SLC35F1: variants seen among roughly 807,000 people sequenced by gnomAD.
SLC35F1 encodes chromosome 6 open reading frame 169.
In SLC35F1, 14 loss-of-function variants were observed where a neutral mutation model predicts 48.7. That is an observed-to-expected ratio of 0.29 (90% CI 0.19 to 0.45). SLC35F1 has a LOEUF of 0.45. Among genes scored for constraint, SLC35F1 ranks in the 20% least tolerant of loss-of-function variants. The probability of loss-of-function intolerance (pLI) is 1.00; values close to 1 mark genes in which losing one functional copy is unlikely to be tolerated. For missense variants in SLC35F1, 404 were observed against 500.0 expected (o/e 0.81, Z 1.83); for synonymous variants, 190 against 202.2 (o/e 0.94, Z 0.51).
chr6:118,102,368 G>A (rs568904899), intron 1 of SLC35F1, among the ~76,000 whole-genome samples: 1 of 152,208 alleles, frequency 6.6e-6, no homozygotes, highest in African/African-American at 2.4e-5. Flanking sequence ...ATTTTTTTTA[G>A]AGACAGGTTC....
chr6:118,283,481 C>G (rs1776009612), intron 6 of SLC35F1, among the ~76,000 whole-genome samples: 1 of 152,188 alleles, frequency 6.6e-6, no homozygotes, highest in Non-Finnish European at 1.5e-5. Flanking sequence ...AATATACCAA[C>G]AGAGCCCACA....
At chr6:118,023,703 C>T (rs1441511937) in intron 1 of SLC35F1, among the ~76,000 whole-genome samples, 1 of 152,064 alleles carries the variant, frequency 6.6e-6, no homozygotes, top group African/African-American at 2.4e-5. Context: ...GGGTGAGTTC[C>T]CAAGCCATAT....
intron 1 of SLC35F1, among the ~76,000 whole-genome samples, chr6:117,980,997 T>C (rs564779091): frequency 1.3e-5 from 2 of 152,212 alleles, no homozygotes; most frequent in African/African-American, 4.8e-5. Flanking sequence ...TACCAGTTAG[T>C]GGTCTATGAT....
At chr6:118,069,355 C>T (rs1434820677) in intron 1 of SLC35F1, among the ~76,000 whole-genome samples, 1 of 152,140 alleles carries the variant, frequency 6.6e-6, no homozygotes, top group Non-Finnish European at 1.5e-5. Context: ...TAACCAAGGA[C>T]ATCCTTGAAG....
chr6:118,141,774 C>T (rs1773893647), intron 1 of SLC35F1, among the ~76,000 whole-genome samples: 1 of 152,138 alleles, frequency 6.6e-6, no homozygotes, highest in Non-Finnish European at 1.5e-5. Flanking sequence ...AACATTCAGT[C>T]CATTACGAGA....
intron 1 of SLC35F1, among the ~76,000 whole-genome samples, chr6:117,908,586 G>A (rs1488204700): frequency 6.6e-6 from 1 of 152,238 alleles, no homozygotes; most frequent in East Asian, 1.9e-4. Context: ...GCCGGAGGGG[G>A]CGGGTGCCGA....
chr6:118,005,930 T>G (rs1007579647), intron 1 of SLC35F1, among the ~76,000 whole-genome samples: 4 of 152,314 alleles, frequency 2.6e-5, no homozygotes, highest in Non-Finnish European at 5.9e-5. Flanking sequence ...CCTTGGCACA[T>G]AGATGCTGCC....
intron 1 of SLC35F1, among the ~76,000 whole-genome samples, chr6:118,031,728 C>T (rs1478844763): frequency 6.6e-6 from 1 of 152,188 alleles, no homozygotes; most frequent in Non-Finnish European, 1.5e-5. Context: ...CAGCACAGGG[C>T]AGCTTTGCAG....
chr6:118,279,365 C>T (rs140384967), intron 6 of SLC35F1, among the ~76,000 whole-genome samples: 2 of 152,230 alleles, frequency 1.3e-5, no homozygotes, highest in South Asian at 2.1e-4. Context: ...TGTAGGGTTG[C>T]GTTTGGGATG....
Position 118,032,150 on chromosome 6 carries a change from C to T in SLC35F1, c.174-122295C>T, listed in dbSNP as rs527589363. Among the ~76,000 whole-genome samples, 4 of 152,270 alleles carry T rather than the reference C, an allele frequency of 2.6e-5. No homozygotes were observed. The East Asian group carries it at 7.7e-4, about 29-fold the overall frequency. ...CTCAATAAACCCAGACATATTTTCTCCAGATACATTTTCTTTCTTTGGTTA... is the reference window on the plus strand; with the variant it reads ...CTCAATAAACCCAGACATATTTTCTTCAGATACATTTTCTTTCTTTGGTTA... On this transcript the variant is annotated intron_variant, in intron 1 of 7. Transcript: ENST00000360388.
intron 4 of SLC35F1, among the ~76,000 whole-genome samples, chr6:118,269,997 T>C (rs796720813): frequency 2.0e-5 from 3 of 152,218 alleles, no homozygotes; most frequent in African/African-American, 7.2e-5. Context: ...CACTGCACTC[T>C]AGCCTGGGCA....
intron 1 of SLC35F1, among the ~76,000 whole-genome samples, chr6:117,972,693 A>C (rs1352952179): frequency 6.6e-6 from 1 of 152,068 alleles, no homozygotes; most frequent in Non-Finnish European, 1.5e-5. Context: ...ATTCACTATC[A>C]CAAGAACAGC....
intron 2 of SLC35F1, among the ~76,000 whole-genome samples, chr6:118,198,686 A>G (rs1038571286): frequency 2.0e-5 from 3 of 152,244 alleles, no homozygotes; most frequent in African/African-American, 7.2e-5. Flanking sequence ...CAGAGCTGAA[A>G]TATATACCCA....
chr6:118,261,098 A>G (rs1025811126), intron 3 of SLC35F1, among the ~76,000 whole-genome samples: 7 of 152,202 alleles, frequency 4.6e-5, no homozygotes, highest in East Asian at 3.8e-4. Context: ...GATAAATGCA[A>G]TTGTACTACA....
intron 2 of SLC35F1, among the ~76,000 whole-genome samples, chr6:118,167,432 T>G (rs147734228): frequency 1.3e-5 from 2 of 152,324 alleles, no homozygotes; most frequent in Non-Finnish European, 2.9e-5. Context: ...GCTACATGGT[T>G]AGCCTATATG....
At chr6:118,275,003 T>C (rs992367973) in intron 4 of SLC35F1, among the ~76,000 whole-genome samples, 1 of 152,204 alleles carries the variant, frequency 6.6e-6, no homozygotes, top group Non-Finnish European at 1.5e-5. Context: ...AACTTGTGCA[T>C]GTATTAGCAT....
At chr6:117,960,183 A>T (rs866895228) in intron 1 of SLC35F1, among the ~76,000 whole-genome samples, 11 of 151,872 alleles carry the variant, frequency 7.2e-5, no homozygotes, top group African/African-American at 2.7e-4. Flanking sequence ...CAAATATTAC[A>T]AACTATCTAT....
intron 2 of SLC35F1, among the ~76,000 whole-genome samples, chr6:118,190,555 T>C (rs1392606407): frequency 1.3e-5 from 2 of 152,176 alleles, no homozygotes; most frequent in African/African-American, 2.4e-5. Flanking sequence ...AGTCTCAGCA[T>C]ATCATTCATA....
At chr6:117,948,567 A>G (rs1181927531) in intron 1 of SLC35F1, among the ~76,000 whole-genome samples, 1 of 152,194 alleles carries the variant, frequency 6.6e-6, no homozygotes, top group East Asian at 1.9e-4. Context: ...TCCAGAATCT[A>G]TCACATATCA....
Sources: allele counts gnomAD v4.1 joint callset (sites outside exome capture counted in the v4.1 genomes callset), GRCh38; gene constraint gnomAD v4.1.1; transcripts MANE v1.5; gene names NCBI Gene and HGNC (gene_info 2026-07-23, HGNC 2026-07-21).